Variants in MYOZ2 observed in about 807,000 individuals in gnomAD.
MYOZ2 encodes myozenin-2.
A neutral mutation model predicts 25.4 loss-of-function variants in MYOZ2; 19 were observed. The ratio of observed to expected loss-of-function variants is 0.75; its 90% confidence interval spans 0.52 to 1.10. The LOEUF (loss-of-function observed/expected upper bound fraction) is 1.10. Among genes scored for constraint, MYOZ2 ranks in the 50% least tolerant of loss-of-function variants. MYOZ2 has a pLI of 0.00. For synonymous variants in MYOZ2, 92 were observed against 106.9 expected, an observed-to-expected ratio of 0.86 and a Z score of 0.86; for missense variants, 270 against 317.9, an observed-to-expected ratio of 0.85 and a Z score of 1.15.
At chr4:119,169,775 C>CTAT (rs1176687674) in intron 5 of MYOZ2, among the ~76,000 whole-genome samples, 2 of 152,168 alleles carry the variant, frequency 1.3e-5, no homozygotes, top group African/African-American at 4.8e-5. Flanking sequence ...CCCTAAAGGG[C>CTAT]TATACCATTG....
intron 5 of MYOZ2, 41 bp downstream of exon 5, chr4:119,164,435 C>T: frequency 1.2e-6 from 2 of 1,605,652 alleles, no homozygotes; most frequent in Non-Finnish European, 1.7e-6. Context: ...GCATGCAATA[C>T]CAAAATTTTT....
chr4:119,158,988 A>C (rs769394962), intron 4 of MYOZ2, among the ~76,000 whole-genome samples: 31 of 152,204 alleles, frequency 2.0e-4, no homozygotes, highest in Non-Finnish European at 2.4e-4. Flanking sequence ...TAAAGAATAA[A>C]TGCTTAAGAT....
chr4:119,161,016 G>T (rs1011864986), intron 4 of MYOZ2, among the ~76,000 whole-genome samples: 7 of 151,744 alleles, frequency 4.6e-5, no homozygotes, highest in African/African-American at 1.7e-4. Context: ...CTATAATTTT[G>T]CATTCTTTAA....
At chr4:119,182,591 C>T (rs1578372639) in intron 5 of MYOZ2, among the ~76,000 whole-genome samples, 1 of 152,280 alleles carries the variant, frequency 6.6e-6, no homozygotes. Context: ...AACTATTCCA[C>T]TTCAGATCAT....
At chr4:119,154,120 G>A (rs1010356431) in intron 3 of MYOZ2, among the ~76,000 whole-genome samples, 2 of 151,894 alleles carry the variant, frequency 1.3e-5, no homozygotes, top group Non-Finnish European at 2.9e-5. Flanking sequence ...CTAAATAATT[G>A]GAACTCTAAA....
At chr4:119,171,457 G>A (rs1276675322) in intron 5 of MYOZ2, among the ~76,000 whole-genome samples, 1 of 151,660 alleles carries the variant, frequency 6.6e-6, no homozygotes, top group Non-Finnish European at 1.5e-5. Flanking sequence ...ATCTCAATAG[G>A]TATCTGGGTC....
intron 5 of MYOZ2, among the ~76,000 whole-genome samples, chr4:119,180,721 T>C (rs1742171244): frequency 6.6e-6 from 1 of 152,072 alleles, no homozygotes; most frequent in South Asian, 2.1e-4. Context: ...ACCCAGCTAA[T>C]TTTTGTATTT....
chr4:119,175,320 GTCT>G (rs1742044136), intron 5 of MYOZ2, among the ~76,000 whole-genome samples: 1 of 152,280 alleles, frequency 6.6e-6, no homozygotes, highest in African/African-American at 2.4e-5. Context: ...AGAGGGATGT[GTCT>G]TCTTTGATGT....
At chr4:119,159,027 T>A (rs1438471765) in intron 4 of MYOZ2, among the ~76,000 whole-genome samples, 1 of 152,200 alleles carries the variant, frequency 6.6e-6, no homozygotes, top group African/African-American at 2.4e-5. Context: ...CCTGATGTGG[T>A]TATTGCACAT....
intron 5 of MYOZ2, among the ~76,000 whole-genome samples, chr4:119,184,602 T>C (rs1742255415): frequency 6.6e-6 from 1 of 152,240 alleles, no homozygotes; most frequent in Non-Finnish European, 1.5e-5. Context: ...TATTTTTGTA[T>C]ATGTTTATGT....
chr4:119,157,537 G>A (rs1005117050), intron 3 of MYOZ2, among the ~76,000 whole-genome samples: 1 of 152,010 alleles, frequency 6.6e-6, no homozygotes, highest in Non-Finnish European at 1.5e-5. Flanking sequence ...GATTGCCGTT[G>A]AAATTTCAGG....
chr4:119,143,485 C>T (rs377711550), intron 2 of MYOZ2, among the ~76,000 whole-genome samples: 8 of 152,168 alleles, frequency 5.3e-5, no homozygotes, highest in Non-Finnish European at 8.8e-5. Context: ...TGAGCCACCG[C>T]GCCTGGCCTG....
chr4:119,146,748 A>G (rs956081596), intron 2 of MYOZ2, among the ~76,000 whole-genome samples: 3 of 152,156 alleles, frequency 2.0e-5, no homozygotes, highest in African/African-American at 7.2e-5. Context: ...CGTTGCTAAT[A>G]TTGTAGAATT....
chr4:119,142,477 C>G (rs926533665), intron 2 of MYOZ2, among the ~76,000 whole-genome samples: 17 of 152,224 alleles, frequency 1.1e-4, no homozygotes, highest in Non-Finnish European at 1.8e-4. Context: ...GTGACAGAGA[C>G]TCCAAACACT....
At chr4:119,175,666 G>T (rs12513191) in intron 5 of MYOZ2, among the ~76,000 whole-genome samples, 7 of 151,576 alleles carry the variant, frequency 4.6e-5, no homozygotes, top group Non-Finnish European at 8.8e-5. Flanking sequence ...GCAGGAGACT[G>T]GTTTGAACCC....
chr4:119,175,985 C>A (rs188621553), intron 5 of MYOZ2, among the ~76,000 whole-genome samples: 1 of 152,042 alleles, frequency 6.6e-6, no homozygotes, highest in Non-Finnish European at 1.5e-5. Flanking sequence ...TGTTCTGACC[C>A]GCCAGGTAGG....
chr4:119,144,535 A>G (rs1362991808), intron 2 of MYOZ2, among the ~76,000 whole-genome samples: 1 of 152,166 alleles, frequency 6.6e-6, no homozygotes, highest in Admixed American at 6.5e-5. Flanking sequence ...TGTTTTCTAG[A>G]GTGTCTGTAC....
chr4:119,162,350 A>T (rs1434669215), intron 4 of MYOZ2, among the ~76,000 whole-genome samples: 1 of 152,078 alleles, frequency 6.6e-6, no homozygotes, highest in Non-Finnish European at 1.5e-5. Context: ...TTGTCCTGGG[A>T]GGCATTAGGG....
At chr4:119,177,689 A>C (rs925721446) in intron 5 of MYOZ2, among the ~76,000 whole-genome samples, 3 of 152,166 alleles carry the variant, frequency 2.0e-5, no homozygotes, top group African/African-American at 7.2e-5. Context: ...CTTTTCTCTT[A>C]AAAGAGCTGA....
Sources: allele counts gnomAD v4.1 joint callset (sites outside exome capture counted in the v4.1 genomes callset), GRCh38; gene constraint gnomAD v4.1.1; transcripts MANE v1.5; gene names NCBI Gene and HGNC (gene_info 2026-07-23, HGNC 2026-07-21).